The following VEPH1 variants were observed in gnomAD, a reference collection of about 807,000 sequenced individuals.
VEPH1 encodes the protein ventricular zone-expressed PH domain-containing protein homolog 1.
A neutral mutation model predicts 85.2 loss-of-function variants in VEPH1; 80 were observed. The observed-to-expected ratio is 0.94, with a 90% CI of 0.78 to 1.13. The LOEUF (loss-of-function observed/expected upper bound fraction) is 1.13, where lower values mean the gene tolerates loss of function less well. Among genes scored for constraint, VEPH1 ranks in the 50% most tolerant of loss-of-function variants. The pLI is 0.00. For synonymous variants in VEPH1, 297 were observed against 348.0 expected (o/e 0.85, Z 1.63); for missense variants, 955 against 980.5 (o/e 0.97, Z 0.35).
chr3:157,498,791 A>G (rs35568909), intron 1 of VEPH1, among the ~76,000 whole-genome samples: 3,950 of 152,272 alleles, frequency 0.026, 111 homozygotes, highest in East Asian at 0.066. Context: ...GGGAAGGTCA[A>G]AGCCAGATCA....
chr3:157,499,178 A>G (rs1414395717), intron 1 of VEPH1, among the ~76,000 whole-genome samples: 1 of 151,252 alleles, frequency 6.6e-6, no homozygotes. Flanking sequence ...TACAGCCTTT[A>G]ATTTGCTTCC....
intron 5 of VEPH1, 63 bp downstream of exon 5, chr3:157,428,259 T>C: frequency 3.8e-6 from 6 of 1,568,844 alleles, no homozygotes; most frequent in Non-Finnish European, 5.2e-6. Context: ...GCACATACGC[T>C]GTTCACACAC....
chr3:157,399,694 T>A (rs1053762410), intron 6 of VEPH1, among the ~76,000 whole-genome samples: 1 of 152,152 alleles, frequency 6.6e-6, no homozygotes, highest in Non-Finnish European at 1.5e-5. Flanking sequence ...AATATTAGCA[T>A]AAAATACATG....
chr3:157,369,674 G>A (rs1457301449), intron 7 of VEPH1, among the ~76,000 whole-genome samples: 2 of 152,212 alleles, frequency 1.3e-5, no homozygotes, highest in Non-Finnish European at 2.9e-5. Context: ...TCAGGAAATG[G>A]TAGATAGAGG....
At chr3:157,391,527 C>T (rs146752787) in intron 6 of VEPH1, among the ~76,000 whole-genome samples, 76 of 152,276 alleles carry the variant, frequency 5.0e-4, no homozygotes, top group Middle Eastern at 3.4e-3. Context: ...CCATTACCAG[C>T]GGCATGGCTG....
At chr3:157,360,993 A>G (rs1725994613) in intron 9 of VEPH1, among the ~76,000 whole-genome samples, 1 of 152,212 alleles carries the variant, frequency 6.6e-6, no homozygotes, top group Non-Finnish European at 1.5e-5. Context: ...CTTTAGATCA[A>G]CTTTGAAAAA....
At chr3:157,452,727 A>G (rs1313473312) in intron 4 of VEPH1, among the ~76,000 whole-genome samples, 1 of 152,238 alleles carries the variant, frequency 6.6e-6, no homozygotes, top group African/African-American at 2.4e-5. Flanking sequence ...GGCGGTGCTA[A>G]GATTACACTG....
intron 6 of VEPH1, among the ~76,000 whole-genome samples, chr3:157,407,832 C>T (rs1731255494): frequency 1.3e-5 from 2 of 152,144 alleles, no homozygotes; most frequent in South Asian, 4.1e-4. Context: ...AAATACTGTT[C>T]CACATGGGTT....
In VEPH1 at chr3:157,286,819, C is replaced by A. The variant is rs1243854354; in HGVS notation, c.2011-145G>T. The A allele has an allele frequency of 2.2e-5, 15 of 671,638 alleles. No individual in the cohort carries two copies. The East Asian group carries it at 3.7e-4, about 17-fold the overall frequency. 41.6% of individuals were successfully genotyped at this position (671,638 alleles called of 1,614,324 possible). A position where few individuals can be genotyped will look rare whatever the true frequency, so the allele number is the denominator to read the frequency against. The stretch of plus-strand genomic sequence containing the variant: ...CTAAGAGGCAGCATTGAAAAAATTT[C>A]TCTTGGCCAACCTTAAAAAAAGCAT... On this transcript the variant is annotated intron_variant, in intron 11 of 13. Coordinates refer to ENST00000362010, the MANE Select transcript of VEPH1 (RefSeq NM_001167912.2).
At chr3:157,300,646 G>A (rs1041806996) in intron 11 of VEPH1, among the ~76,000 whole-genome samples, 7 of 151,974 alleles carry the variant, frequency 4.6e-5, no homozygotes, top group Non-Finnish European at 8.8e-5. Context: ...GGAGATAAGA[G>A]GATTAAAAAG....
chr3:157,296,426 T>G (rs1718152080), intron 11 of VEPH1, among the ~76,000 whole-genome samples: 1 of 152,212 alleles, frequency 6.6e-6, no homozygotes, highest in South Asian at 2.1e-4. Flanking sequence ...TATGCGTGTG[T>G]GGGCTTCCTT....
intron 11 of VEPH1, among the ~76,000 whole-genome samples, chr3:157,289,424 A>G (rs1289065361): frequency 6.6e-6 from 1 of 152,248 alleles, no homozygotes; most frequent in African/African-American, 2.4e-5. Context: ...TCCTCAGAGG[A>G]TTTAGGTGTT....
intron 13 of VEPH1, 56 bp downstream of exon 13, chr3:157,265,470 T>C (rs1346217319): frequency 2.6e-5 from 40 of 1,565,192 alleles, no homozygotes; most frequent in Admixed American, 7.5e-5. Context: ...CGTTTAGCTA[T>C]TGGTGGAGAT....
chr3:157,273,332 G>A (rs1252672257), intron 12 of VEPH1, among the ~76,000 whole-genome samples: 1 of 152,202 alleles, frequency 6.6e-6, no homozygotes, highest in Non-Finnish European at 1.5e-5. Flanking sequence ...GAGAAATGCA[G>A]TAAGCAAGTG....
intron 11 of VEPH1, among the ~76,000 whole-genome samples, chr3:157,295,319 C>T (rs1436283221): frequency 6.6e-6 from 1 of 152,090 alleles, no homozygotes; most frequent in East Asian, 1.9e-4. Context: ...GCTATTCAAG[C>T]TACCCAGGAG....
At chr3:157,487,937 A>C (rs1002761474) in intron 2 of VEPH1, among the ~76,000 whole-genome samples, 13 of 152,174 alleles carry the variant, frequency 8.5e-5, no homozygotes, top group Admixed American at 5.2e-4. Context: ...CATTATGCTT[A>C]CACTGAAAAG....
At chr3:157,311,626 A>G (rs1244835050) in intron 11 of VEPH1, among the ~76,000 whole-genome samples, 1 of 152,230 alleles carries the variant, frequency 6.6e-6, no homozygotes, top group Non-Finnish European at 1.5e-5. Context: ...TTTCCCTTAG[A>G]GAAATGTTTA....
At chr3:157,352,920 G>A (rs566344882) in intron 9 of VEPH1, among the ~76,000 whole-genome samples, 1 of 152,126 alleles carries the variant, frequency 6.6e-6, no homozygotes, top group Non-Finnish European at 1.5e-5. Flanking sequence ...TGCAGGGCAG[G>A]TAAAGGGAGG....
chr3:157,328,170 T>G (rs12494423), intron 9 of VEPH1, among the ~76,000 whole-genome samples: 71,057 of 152,030 alleles, frequency 0.47, 18,298 homozygotes, highest in Admixed American at 0.6. Context: ...TCCAGTGCTG[T>G]CACTAGGAAA....
Sources: allele counts gnomAD v4.1 joint callset (sites outside exome capture counted in the v4.1 genomes callset), GRCh38; gene constraint gnomAD v4.1.1; transcripts MANE v1.5; gene names NCBI Gene and HGNC (gene_info 2026-07-23, HGNC 2026-07-21).